Variants in SYK observed in about 807,000 individuals in gnomAD.
SYK encodes spleen associated tyrosine kinase.
Under a neutral mutation model 77.8 loss-of-function variants are expected in SYK, and 16 were observed. The ratio of observed to expected loss-of-function variants is 0.21; its 90% CI spans 0.14 to 0.31. The LOEUF (loss-of-function observed/expected upper bound fraction) is 0.31, where lower values mean the gene tolerates loss of function less well. Ranked by LOEUF, SYK falls within the 10% of genes least tolerant of loss-of-function variation. The pLI is 1.00. For missense variants in SYK, 529 were observed against 814.4 expected, an observed-to-expected ratio of 0.65 and a Z score of 4.26; for synonymous variants, 312 against 308.7, an observed-to-expected ratio of 1.01 and a Z score of -0.11.
intron 9 of SYK, among the ~76,000 whole-genome samples, chr9:90,876,365 CAT>C (rs1491385713): frequency 2.1e-5 from 3 of 145,122 alleles, no homozygotes; most frequent in Admixed American, 1.5e-4. Flanking sequence ...TGTTTTTGTG[CAT>C]GTGTGTGTGT....
chr9:90,814,982 G>T lies in SYK; in HGVS notation c.-42+13089G>T, dbSNP rs539063491. 1.1e-4 allele frequency among the ~76,000 whole-genome samples: 16 copies of T among 152,254 alleles called. No homozygotes were observed. In the South Asian group the frequency reaches 2.3e-3, roughly 22 times the overall value. Reference sequence around the variant, plus strand: ...GAAAGCTACTAAGTCATGTATCCTTGGGGTAAGCACACTTGGTTCAGAATA... The same window carrying T: ...GAAAGCTACTAAGTCATGTATCCTTTGGGTAAGCACACTTGGTTCAGAATA... On this transcript the variant is annotated intron_variant, in intron 1 of 13. Transcript: ENST00000375754.
intron 11 of SYK, 62 bp downstream of exon 11, chr9:90,879,015 GTTTTC>G: frequency 4.8e-6 from 6 of 1,251,520 alleles, no homozygotes; most frequent in East Asian, 2.4e-5. Context: ...ATAAATGTAC[GTTTTC>G]TTTATTTTAT....
At chr9:90,873,091 G>A (rs1030800890) in intron 7 of SYK, among the ~76,000 whole-genome samples, 6 of 152,188 alleles carry the variant, frequency 3.9e-5, no homozygotes, top group Admixed American at 3.3e-4. Context: ...CCGGGTGTTT[G>A]GAAACAATGG....
At chr9:90,805,507 T>C (rs115041377) in intron 1 of SYK, among the ~76,000 whole-genome samples, 13,632 of 152,242 alleles carry the variant, frequency 0.09, 671 homozygotes, top group Middle Eastern at 0.14. Flanking sequence ...AGAAAGTAAA[T>C]TCAACAGAAG....
At chr9:90,815,091 G>A (rs1041231904) in intron 1 of SYK, among the ~76,000 whole-genome samples, 5 of 139,374 alleles carry the variant, frequency 3.6e-5, no homozygotes, top group South Asian at 2.2e-4. Context: ...CTTTCTCTTC[G>A]GTTAAAAAAA....
At chr9:90,831,519 T>A (rs184997767) in intron 1 of SYK, among the ~76,000 whole-genome samples, 12 of 152,290 alleles carry the variant, frequency 7.9e-5, no homozygotes, top group Middle Eastern at 6.8e-3. Context: ...CAAGGTAAAT[T>A]TATATATCTT....
intron 7 of SYK, among the ~76,000 whole-genome samples, chr9:90,873,586 T>C (rs1427877717): frequency 1.3e-5 from 2 of 152,178 alleles, no homozygotes; most frequent in Non-Finnish European, 2.9e-5. Flanking sequence ...CTGTGGCAGC[T>C]GGAGCATTGC....
At position 90,878,686 on chromosome 9, in the gene SYK, C is replaced by T. The variant is rs1042575990; in HGVS notation, c.1392-78C>T. The T allele has an allele frequency of 2.0e-5, 25 of 1,242,594 alleles. 1 individual carries two copies. The Middle Eastern group carries it at 5.9e-4, about 30-fold the overall frequency. The allele number at this position is 1,242,594 out of a possible 1,614,324, so 77.0% of individuals were successfully genotyped here. A position where few individuals can be genotyped will look rare whatever the true frequency, so the allele number is the denominator to read the frequency against. Reference sequence around the variant, plus strand: ...AGGGAAGGAGTAGATTCACCCACTGCCTGCGTGAGGAGCATGGTTGTTTGT... The same window carrying T: ...AGGGAAGGAGTAGATTCACCCACTGTCTGCGTGAGGAGCATGGTTGTTTGT... On this transcript the variant is annotated intron_variant, in intron 10 of 13. Transcript: ENST00000375754.
intron 1 of SYK, among the ~76,000 whole-genome samples, chr9:90,842,758 AGTGT>A (rs60139969): frequency 0.076 from 4,450 of 58,182 alleles, 94 homozygotes; most frequent in Admixed American, 0.14. Flanking sequence ...GTATGGAGAG[AGTGT>A]GTGTGTGTGT....
intron 4 of SYK, among the ~76,000 whole-genome samples, chr9:90,863,159 T>A (rs1827342376): frequency 6.6e-6 from 1 of 152,234 alleles, no homozygotes; most frequent in African/African-American, 2.4e-5. Context: ...CTACACTGGC[T>A]GATGATGAAG....
At chr9:90,885,384 A>C (rs1268994383) in intron 11 of SYK, among the ~76,000 whole-genome samples, 1 of 152,194 alleles carries the variant, frequency 6.6e-6, no homozygotes, top group Non-Finnish European at 1.5e-5. Context: ...TGAATGCAAT[A>C]AAAAATACAT....
intron 6 of SYK, among the ~76,000 whole-genome samples, chr9:90,865,890 C>CAT (rs1564106023): frequency 2.8e-4 from 14 of 49,518 alleles, no homozygotes; most frequent in African/African-American, 1.3e-3. Context: ...CTACATATGG[C>CAT]CTTTTTTTTT....
intron 3 of SYK, among the ~76,000 whole-genome samples, chr9:90,847,138 T>C (rs1826630291): frequency 6.6e-6 from 1 of 152,242 alleles, no homozygotes; most frequent in Admixed American, 6.5e-5. Context: ...ATAAACCCCA[T>C]GCAGAAGGCT....
chr9:90,892,107 A>G (rs565515285), intron 13 of SYK, among the ~76,000 whole-genome samples: 1 of 152,358 alleles, frequency 6.6e-6, no homozygotes, highest in South Asian at 2.1e-4. Context: ...GGATCCTCAC[A>G]AGACAGTGAA....
At chr9:90,815,989 C>A (rs1217169358) in intron 1 of SYK, among the ~76,000 whole-genome samples, 1 of 152,230 alleles carries the variant, frequency 6.6e-6, no homozygotes, top group Non-Finnish European at 1.5e-5. Context: ...GGGAAAAGAG[C>A]ACTCTGTGTG....
intron 1 of SYK, among the ~76,000 whole-genome samples, chr9:90,828,244 C>T (rs796085613): frequency 0.019 from 2,153 of 114,928 alleles, 190 homozygotes; most frequent in African/African-American, 0.064. Flanking sequence ...CGCCCCCCCC[C>T]CCGCCCCGCC....
chr9:90,890,219 G>C (rs985310118), intron 13 of SYK, among the ~76,000 whole-genome samples: 35 of 152,214 alleles, frequency 2.3e-4, no homozygotes, highest in African/African-American at 7.2e-4. Flanking sequence ...TTGGCTCCCA[G>C]GTGGGTGCAG....
At chr9:90,890,285 A>G (rs1211794488) in intron 13 of SYK, among the ~76,000 whole-genome samples, 1 of 152,176 alleles carries the variant, frequency 6.6e-6, no homozygotes, top group Non-Finnish European at 1.5e-5. Context: ...TCAAGGAATC[A>G]GGATAGGGGC....
At chr9:90,835,547 G>T (rs912348342) in intron 1 of SYK, among the ~76,000 whole-genome samples, 1 of 152,220 alleles carries the variant, frequency 6.6e-6, no homozygotes, top group African/African-American at 2.4e-5. Flanking sequence ...AGCAGAACTG[G>T]CTGTGTTCTC....
Sources: allele counts gnomAD v4.1 joint callset (sites outside exome capture counted in the v4.1 genomes callset), GRCh38; gene constraint gnomAD v4.1.1; transcripts MANE v1.5; gene names NCBI Gene and HGNC (gene_info 2026-07-23, HGNC 2026-07-21).